The following ETS1 variants were observed in gnomAD, a reference collection of about 807,000 sequenced individuals.
ETS1 encodes ETS proto-oncogene 1, transcription factor.
In ETS1, 15 loss-of-function variants were observed where a neutral mutation model predicts 58.6. That is an observed-to-expected ratio of 0.26 (90% CI 0.17 to 0.39). The LOEUF is 0.39. Ranked by LOEUF, ETS1 falls within the 10% of genes least tolerant of loss-of-function variation. The pLI, the probability that ETS1 is intolerant of heterozygous loss-of-function variation, is 1.00. For synonymous variants in ETS1, 214 were observed against 218.2 expected (o/e 0.98, Z 0.17); for missense variants, 417 against 610.5 (o/e 0.68, Z 3.34).
At chr11:128,573,206 A>G in intron 1 of ETS1, 62 bp from the exon 2 acceptor site, 2 of 1,148,938 alleles carry the variant, frequency 1.7e-6, no homozygotes, top group Non-Finnish European at 2.6e-6. Context: ...ATTAGAATAC[A>G]CAAGGAAGAC....
chr11:128,497,252 A>G (rs1862968526), intron 3 of ETS1, among the ~76,000 whole-genome samples: 1 of 152,194 alleles, frequency 6.6e-6, no homozygotes, highest in Non-Finnish European at 1.5e-5. Flanking sequence ...TTTGCTGCCA[A>G]TGCACACAGT....
chr11:128,585,244 A>AAGAAAGAAAGAG (rs1235026455), intron 1 of ETS1, among the ~76,000 whole-genome samples: 1 of 147,166 alleles, frequency 6.8e-6, no homozygotes. Flanking sequence ...GAAAGAAAGA[A>AAGAAAGAAAGAG]AAAGAAAGGA....
At position 128,585,074 on chromosome 11, in the gene ETS1, AAG is replaced by A. The variant is rs549358666; in HGVS notation, c.-15+2412_-15+2413del. Among the ~76,000 whole-genome samples the A allele has an allele frequency of 5.3e-3, 71 of 13,412 alleles. 9 individuals are homozygous for A. Among genetic ancestry groups the A allele is most frequent in the African/African-American group, 0.035 (55 of 1,578 alleles). 8.8% of individuals were successfully genotyped at this position (13,412 alleles called of 152,430 possible). ...AAAGAAAGAAAGAAAGAAAGAAAGAAAGAGAAAGAAAGAAAGGAAAGAAAGAA... is the reference window on the plus strand; with the variant it reads ...AAAGAAAGAAAGAAAGAAAGAAAGAAAGAAAGAAAGAAAGGAAAGAAAGAA... On this transcript the variant is annotated intron_variant, in intron 1 of 9. Coordinates refer to ENST00000392668, the MANE Select transcript of ETS1 (RefSeq NM_001143820.2).
intron 5 of ETS1, among the ~76,000 whole-genome samples, chr11:128,489,006 G>T (rs536832779): frequency 5.9e-5 from 9 of 152,312 alleles, no homozygotes; most frequent in African/African-American, 2.2e-4. Context: ...GCATGGGTTT[G>T]AGATAAGGAC....
intron 5 of ETS1, among the ~76,000 whole-genome samples, chr11:128,488,287 G>A (rs931550287): frequency 2.0e-5 from 3 of 152,114 alleles, no homozygotes; most frequent in Non-Finnish European, 4.4e-5. Context: ...ATTCCTTTAT[G>A]TCTTATTTTT....
chr11:128,467,739 C>G (rs573480181), intron 8 of ETS1, among the ~76,000 whole-genome samples: 17 of 152,142 alleles, frequency 1.1e-4, no homozygotes, highest in Non-Finnish European at 1.9e-4. Context: ...GCACCCTTCA[C>G]GATGCTGCCC....
At chr11:128,557,161 A>G (rs1450867546) in intron 2 of ETS1, among the ~76,000 whole-genome samples, 2 of 152,220 alleles carry the variant, frequency 1.3e-5, no homozygotes, top group East Asian at 3.8e-4. Context: ...ACTTACCAAC[A>G]TGGAGCCTGG....
intron 1 of ETS1, among the ~76,000 whole-genome samples, chr11:128,586,642 A>G (rs550115157): frequency 2.0e-5 from 3 of 152,236 alleles, no homozygotes; most frequent in Non-Finnish European, 4.4e-5. Flanking sequence ...AAACTTACCC[A>G]AAAGGTGATA....
At chr11:128,540,946 T>A (rs952711898) in intron 3 of ETS1, among the ~76,000 whole-genome samples, 1 of 151,950 alleles carries the variant, frequency 6.6e-6, no homozygotes, top group African/African-American at 2.4e-5. Flanking sequence ...AGAGCCGGAG[T>A]GGCCACTCTT....
intron 3 of ETS1, among the ~76,000 whole-genome samples, chr11:128,551,016 C>T (rs1312307561): frequency 6.6e-6 from 1 of 152,146 alleles, no homozygotes. Context: ...TGTAATCGTC[C>T]AATGTTACAA....
chr11:128,579,627 C>T (rs1864821642), intron 1 of ETS1, among the ~76,000 whole-genome samples: 1 of 149,758 alleles, frequency 6.7e-6, no homozygotes. Context: ...CGCCATTACA[C>T]TCCCACCCGG....
intron 1 of ETS1, among the ~76,000 whole-genome samples, chr11:128,582,910 T>C (rs921368280): frequency 1.3e-5 from 2 of 152,104 alleles, no homozygotes; most frequent in African/African-American, 4.8e-5. Context: ...AAGGAAGTAG[T>C]AAAGCACTGC....
intron 3 of ETS1, among the ~76,000 whole-genome samples, chr11:128,508,555 A>G (rs766822171): frequency 9.2e-5 from 14 of 152,190 alleles, no homozygotes; most frequent in Non-Finnish European, 1.6e-4. Flanking sequence ...CAGGGACTCA[A>G]TTACTTACTA....
intron 3 of ETS1, among the ~76,000 whole-genome samples, chr11:128,501,539 A>G (rs1271491433): frequency 3.3e-5 from 5 of 152,202 alleles, no homozygotes; most frequent in African/African-American, 4.8e-5. Flanking sequence ...TGCTCATCCT[A>G]TTAGCCATCA....
At position 128,463,281 on chromosome 11, in the gene ETS1, C is replaced by G. The variant is rs1431160346; in HGVS notation, c.1242+228G>C. ...TGACCTACTGCCAGGCACGTTAATG[C>G]CTTCTATCAGCTAATCCTGTAAGAC... On this transcript the variant is annotated intron_variant, in intron 9 of 9. Coordinates refer to ENST00000392668, the MANE Select transcript of ETS1 (RefSeq NM_001143820.2). This position sits in a 1 kb window ranked among gnomAD's most constrained non-coding sequence, Gnocchi z 4.1. Among the ~76,000 whole-genome samples the G allele has an allele frequency of 6.6e-6, 1 of 152,202 alleles. No individual in the cohort carries two copies.
Position 128,585,087 on chromosome 11 carries a change from AAAG to A in ETS1, c.-15+2398_-15+2400del, listed in dbSNP as rs1864973729. On this transcript the variant is annotated intron_variant, in intron 1 of 9. Transcript: ENST00000392668. ...AAGAAAGAAAGAAAGAGAAAGAAAG[AAAG>A]GAAAGAAAGAAAGGAAGGAAGGAAG... Among the ~76,000 whole-genome samples, 10 of 31,110 alleles carry A rather than the reference AAAG, an allele frequency of 3.2e-4. 1 individual carries two copies. Among genetic ancestry groups the A allele is most frequent in the African/African-American group, 1.9e-3 (6 of 3,142 alleles). 20.4% of individuals were successfully genotyped at this position (31,110 alleles called of 152,430 possible). A position where few individuals can be genotyped will look rare whatever the true frequency, so the allele number is the denominator to read the frequency against.
chr11:128,564,990 A>G (rs1019424823), intron 2 of ETS1, among the ~76,000 whole-genome samples: 2 of 151,326 alleles, frequency 1.3e-5, no homozygotes, highest in African/African-American at 4.9e-5. Flanking sequence ...AAATACATGA[A>G]TGAAAATACA....
intron 7 of ETS1, among the ~76,000 whole-genome samples, chr11:128,484,391 C>G (rs1435757051): frequency 6.6e-6 from 1 of 152,162 alleles, no homozygotes; most frequent in East Asian, 1.9e-4. Context: ...CTAGGATCTA[C>G]AGTCAGACCC....
chr11:128,518,308 T>C (rs1863577221), intron 3 of ETS1, among the ~76,000 whole-genome samples: 1 of 152,230 alleles, frequency 6.6e-6, no homozygotes, highest in Non-Finnish European at 1.5e-5. Context: ...AGGAGGTACA[T>C]AACACAGCCA....
Sources: allele counts gnomAD v4.1 joint callset (sites outside exome capture counted in the v4.1 genomes callset), GRCh38; gene constraint gnomAD v4.1.1; non-coding constraint Gnocchi (gnomAD v3.1); transcripts MANE v1.5; gene names NCBI Gene and HGNC (gene_info 2026-07-23, HGNC 2026-07-21).